ATAD2B: variants seen among roughly 807,000 people sequenced by gnomAD.
ATAD2B encodes the protein ATPase family AAA domain-containing protein 2B.
A neutral mutation model predicts 167.6 loss-of-function variants in ATAD2B; 40 were observed. That is an observed-to-expected ratio of 0.24 (90% CI 0.19 to 0.31). ATAD2B has a LOEUF of 0.31. Among genes scored for constraint, ATAD2B ranks in the 10% least tolerant of loss-of-function variants. The probability of loss-of-function intolerance (pLI) is 1.00; values close to 1 mark genes in which losing one functional copy is unlikely to be tolerated. For synonymous variants in ATAD2B, 579 were observed against 596.5 expected, an observed-to-expected ratio of 0.97 and a Z score of 0.43; for missense variants, 1,242 against 1,757.2, an observed-to-expected ratio of 0.71 and a Z score of 5.24.
At chr2:23,724,584 A>T in the ATAD2B span, among the ~76,000 whole-genome samples, 1 of 152,182 alleles carries the variant, frequency 6.6e-6, no homozygotes, top group African/African-American at 2.4e-5. Flanking sequence ...CAGACAGAGG[A>T]TTTAAAGAAA....
downstream of ATAD2B, among the ~76,000 whole-genome samples, chr2:23,745,364 GGAAA>G (rs1356841705): frequency 1.4e-4 from 17 of 122,338 alleles, no homozygotes; most frequent in African/African-American, 1.9e-4. Context: ...AAGGAAGGAA[GGAAA>G]GAAGGAAGGA....
intron 17 of ATAD2B, among the ~76,000 whole-genome samples, chr2:23,816,918 A>G (rs1216126495): frequency 3.3e-5 from 5 of 152,192 alleles, no homozygotes; most frequent in Non-Finnish European, 7.4e-5. Flanking sequence ...ACATTGTTTC[A>G]GGAGACTATT....
intron 4 of ATAD2B, 93 bp downstream of exon 4, chr2:23,887,739 T>C: frequency 8.6e-7 from 1 of 1,167,776 alleles, no homozygotes; most frequent in Non-Finnish European, 1.2e-6. Context: ...ACTGTATTGA[T>C]TGCTAAGTCG....
rs890264809 is a variant in ATAD2B at position 23,752,800 on chromosome 2, G to A, written c.4336-713C>T. Among the ~76,000 whole-genome samples, 3 of 152,164 alleles carry A rather than the reference G, an allele frequency of 2.0e-5. No individual in the cohort carries two copies. In the East Asian group the frequency reaches 5.8e-4, roughly 29 times the overall value. On this transcript the variant is annotated intron_variant, in intron 27 of 27. Coordinates refer to ENST00000238789, the MANE Select transcript of ATAD2B (RefSeq NM_017552.4). ...ACTTCTATTCACTCCAACCAGAGCT[G>A]AAAAGACAGGGTTAAAAAAGAGCCA...
intron 1 of ATAD2B, among the ~76,000 whole-genome samples, chr2:23,898,339 C>T (rs908450552): frequency 6.6e-6 from 1 of 152,176 alleles, no homozygotes; most frequent in African/African-American, 2.4e-5. Context: ...GTCTCCACAA[C>T]CCTTTATCTT....
At chr2:23,869,588 G>A in intron 9 of ATAD2B, 75 bp downstream of exon 9, 1 of 995,164 alleles carries the variant, frequency 1.0e-6, no homozygotes, top group South Asian at 1.4e-5. Flanking sequence ...ATCAATGTTA[G>A]CAAAGAAAAT....
At chr2:23,924,081 G>A (rs1704352391) in intron 1 of ATAD2B, among the ~76,000 whole-genome samples, 1 of 141,658 alleles carries the variant, frequency 7.1e-6, no homozygotes, top group Non-Finnish European at 1.6e-5. Flanking sequence ...TACTCGGGAG[G>A]CTGAGGCAGG....
At chr2:23,720,650 A>T in the ATAD2B span, among the ~76,000 whole-genome samples, 1 of 151,824 alleles carries the variant, frequency 6.6e-6, no homozygotes, top group South Asian at 2.1e-4. Context: ...CCCCTGCCCA[A>T]ATCAGATCCG....
intron 14 of ATAD2B, among the ~76,000 whole-genome samples, chr2:23,831,202 T>C (rs917128612): frequency 2.0e-5 from 3 of 152,142 alleles, no homozygotes; most frequent in Admixed American, 1.3e-4. Flanking sequence ...AAATTCAAGC[T>C]CCTCATTTTT....
chr2:23,742,706 A>G, the ATAD2B span, among the ~76,000 whole-genome samples: 1 of 152,296 alleles, frequency 6.6e-6, no homozygotes, highest in Non-Finnish European at 1.5e-5. Flanking sequence ...AAGTATAATA[A>G]TAAAATACAA....
At chr2:23,872,276 C>T (rs1340857973) in intron 8 of ATAD2B, 2 of 477,604 alleles carry the variant, frequency 4.2e-6, no homozygotes, top group East Asian at 9.7e-5. Flanking sequence ...GAAGCCACAG[C>T]TTCCACGGCT....
At chr2:23,705,281 A>G in the ATAD2B span, among the ~76,000 whole-genome samples, 1 of 152,208 alleles carries the variant, frequency 6.6e-6, no homozygotes, top group Non-Finnish European at 1.5e-5. Flanking sequence ...TCACGAGGTC[A>G]GGAGTTCAAG....
At chr2:23,779,320 C>T (rs546577168) in intron 22 of ATAD2B, among the ~76,000 whole-genome samples, 74 of 151,686 alleles carry the variant, frequency 4.9e-4, no homozygotes, top group African/African-American at 1.7e-3. Context: ...TGACTATAGG[C>T]GCCCACCACC....
chr2:23,760,647 G>A (rs1676538467), intron 24 of ATAD2B, among the ~76,000 whole-genome samples: 1 of 144,722 alleles, frequency 6.9e-6, no homozygotes, highest in South Asian at 2.2e-4. Flanking sequence ...CTGGGCAACA[G>A]AGAGAGACTC....
At chr2:23,784,190 T>C (rs1029846664) in intron 21 of ATAD2B, among the ~76,000 whole-genome samples, 3 of 152,106 alleles carry the variant, frequency 2.0e-5, no homozygotes, top group African/African-American at 7.2e-5. Flanking sequence ...AAAAGCACTA[T>C]AAAATGTATA....
At chr2:23,760,766 AC>A (rs1232697517) in intron 24 of ATAD2B, among the ~76,000 whole-genome samples, 4 of 149,004 alleles carry the variant, frequency 2.7e-5, no homozygotes, top group African/African-American at 9.9e-5. Flanking sequence ...ACACACACAC[AC>A]ACACCACTTC....
intron 1 of ATAD2B, among the ~76,000 whole-genome samples, chr2:23,916,172 G>A (rs1272296018): frequency 6.6e-6 from 1 of 152,154 alleles, no homozygotes; most frequent in African/African-American, 2.4e-5. Flanking sequence ...ATTCCACACA[G>A]TTGTAAAATA....
At chr2:23,695,932 C>T in the ATAD2B span, 1 of 1,549,374 alleles carries the variant, frequency 6.5e-7, no homozygotes, top group East Asian at 2.4e-5. This position sits in a 1 kb window ranked among gnomAD's most constrained non-coding sequence, Gnocchi z 7.6. Context: ...CCCAAGGGCG[C>T]CCATCCATGT....
intron 13 of ATAD2B, among the ~76,000 whole-genome samples, chr2:23,845,557 T>C (rs1385551235): frequency 1.2e-4 from 18 of 145,524 alleles, no homozygotes. Flanking sequence ...TTACTGTAAA[T>C]GGGCATGCTG....
Sources: gnomAD v4.1 joint callset for allele counts (sites outside exome capture counted in the v4.1 genomes callset) on GRCh38, gnomAD v4.1.1 for gene constraint, Gnocchi (gnomAD v3.1) non-coding constraint, MANE v1.5 for transcripts, NCBI Gene and HGNC (gene_info 2026-07-23, HGNC 2026-07-21) for gene names.